The following UVRAG variants were observed in gnomAD, a reference collection of about 807,000 sequenced individuals.
UVRAG encodes the protein UV radiation resistance-associated gene protein.
In UVRAG, 19 loss-of-function variants were observed where a neutral mutation model predicts 78.0. That is an observed-to-expected ratio of 0.24 (90% CI 0.17 to 0.36). The LOEUF (loss-of-function observed/expected upper bound fraction) is 0.36. Among genes scored for constraint, UVRAG ranks in the 10% least tolerant of loss-of-function variants. UVRAG has a pLI of 1.00. For missense variants in UVRAG, 740 were observed against 853.8 expected, an observed-to-expected ratio of 0.87 and a Z score of 1.66; for synonymous variants, 323 against 324.6, an observed-to-expected ratio of 1.00 and a Z score of 0.05.
At chr11:75,961,928 C>G (rs981560936) in intron 7 of UVRAG, among the ~76,000 whole-genome samples, 2 of 151,958 alleles carry the variant, frequency 1.3e-5, no homozygotes, top group Non-Finnish European at 2.9e-5. Context: ...TTGGATTGAG[C>G]AAAACAGGCT....
In UVRAG at chr11:75,828,731, G is replaced by GTATA. The variant is rs199596890; in HGVS notation, c.117+13220_117+13223dup. ...TATATGTGTATATATATGTGTGTGTGTATATATATATATATACACACACAT... is the reference window on the plus strand; with the variant it reads ...TATATGTGTATATATATGTGTGTGTGTATATATATATATATATATACACACACAT... On this transcript the variant is annotated intron_variant, in intron 1 of 14. Coordinates refer to ENST00000356136, the MANE Select transcript of UVRAG (RefSeq NM_003369.4). Among the ~76,000 whole-genome samples the GTATA allele has an allele frequency of 5.5e-4, 61 of 110,808 alleles. 1 individual carries two copies. Among genetic ancestry groups the GTATA allele is most frequent in the Non-Finnish European group, 3.0e-4 (17 of 56,634 alleles). 72.7% of individuals were successfully genotyped at this position (110,808 alleles called of 152,430 possible).
In UVRAG at chr11:76,084,969, C is replaced by T. The variant is rs570823753; in HGVS notation, c.1305+19181C>T. Among the ~76,000 whole-genome samples, 230 of 145,392 alleles carry T rather than the reference C, an allele frequency of 1.6e-3. 5 individuals are homozygous for T. Among genetic ancestry groups the T allele is most frequent in the African/African-American group, 5.2e-3 (205 of 39,430 alleles). ...ATCCCAGCTACTCAAGAGGCTGAGGCGTGAGAATTGCTTGAACCTGGGAGG... is the reference window on the plus strand; with the variant it reads ...ATCCCAGCTACTCAAGAGGCTGAGGTGTGAGAATTGCTTGAACCTGGGAGG... On this transcript the variant is annotated intron_variant, in intron 13 of 14. Coordinates refer to ENST00000356136, the MANE Select transcript of UVRAG (RefSeq NM_003369.4).
At chr11:75,990,907 T>A (rs1380139970) in intron 8 of UVRAG, among the ~76,000 whole-genome samples, 1 of 152,196 alleles carries the variant, frequency 6.6e-6, no homozygotes, top group Admixed American at 6.5e-5. Flanking sequence ...AGAATAAATA[T>A]TTGTTGAATG....
Position 75,878,914 on chromosome 11 carries a change from G to GGAGGGA in UVRAG, c.271-944_271-939dup, listed in dbSNP as rs71871732. ...GGGACAGGGACAGGGAGGGGGAGGG[G>GGAGGGA]GAGGGAGAGGGAGAGGGAGAGGGAG... is the stretch of plus-strand genomic sequence containing the variant. On this transcript the variant is annotated intron_variant, in intron 3 of 14. Transcript: ENST00000356136. Among the ~76,000 whole-genome samples, 190 of 141,924 alleles carry GGAGGGA rather than the reference G, an allele frequency of 1.3e-3. 2 individuals are homozygous for GGAGGGA. Among genetic ancestry groups the GGAGGGA allele is most frequent in the African/African-American group, 4.6e-3 (169 of 36,648 alleles). 93.1% of individuals were successfully genotyped at this position (141,924 alleles called of 152,430 possible).
intron 11 of UVRAG, among the ~76,000 whole-genome samples, chr11:76,011,450 A>C (rs1950048742): frequency 6.6e-6 from 1 of 152,070 alleles, no homozygotes; most frequent in Non-Finnish European, 1.5e-5. Flanking sequence ...ATGGTGAAAC[A>C]CTGTTTCTAC....
intron 6 of UVRAG, among the ~76,000 whole-genome samples, chr11:75,953,104 C>A (rs2135175511): frequency 6.6e-6 from 1 of 152,174 alleles, no homozygotes; most frequent in Non-Finnish European, 1.5e-5. Flanking sequence ...TCTTCTCTTT[C>A]ATTTTTATGC....
intron 5 of UVRAG, among the ~76,000 whole-genome samples, chr11:75,898,951 G>A (rs1454740690): frequency 6.6e-6 from 1 of 151,334 alleles, no homozygotes; most frequent in Non-Finnish European, 1.5e-5. Context: ...TCATTCAGAA[G>A]TAGGGATTAA....
intron 6 of UVRAG, among the ~76,000 whole-genome samples, chr11:75,921,369 G>A (rs954045098): frequency 1.3e-5 from 2 of 152,142 alleles, no homozygotes; most frequent in African/African-American, 2.4e-5. Flanking sequence ...TAGCTATTTA[G>A]GGTATTCTTC....
chr11:76,097,605 T>G (rs1467718911), intron 13 of UVRAG, among the ~76,000 whole-genome samples: 1 of 152,212 alleles, frequency 6.6e-6, no homozygotes, highest in Non-Finnish European at 1.5e-5. Flanking sequence ...TTTCTGATTT[T>G]TAAATGTCTT....
intron 13 of UVRAG, among the ~76,000 whole-genome samples, chr11:76,093,341 G>T (rs1156571639): frequency 3.9e-5 from 6 of 152,110 alleles, no homozygotes; most frequent in Admixed American, 3.9e-4. Context: ...GACAATGCGG[G>T]CTCTTTTTTG....
At chr11:75,865,759 T>C (rs1946523938) in intron 3 of UVRAG, among the ~76,000 whole-genome samples, 1 of 151,910 alleles carries the variant, frequency 6.6e-6, no homozygotes, top group African/African-American at 2.4e-5. Flanking sequence ...GGACTACAGG[T>C]GCCCGCCAGC....
At chr11:76,004,192 C>A in intron 9 of UVRAG, 103 bp downstream of exon 9, 2 of 1,082,364 alleles carry the variant, frequency 1.8e-6, no homozygotes, top group Non-Finnish European at 2.8e-6. Context: ...ATTTATAGCC[C>A]ATATACCTCA....
rs1230957506 is a variant in UVRAG at position 76,143,455 on chromosome 11, C to A, written c.*2042C>A. ...TGCCCCCCACCGCTGTGCAGACTCCCTGGTTGATCCTGGGCTTGTGGCTTT... is the reference window on the plus strand; with the variant it reads ...TGCCCCCCACCGCTGTGCAGACTCCATGGTTGATCCTGGGCTTGTGGCTTT... On this transcript the variant is annotated 3_prime_UTR_variant, in exon 15 of 15. Transcript: ENST00000356136. Among the ~76,000 whole-genome samples the A allele has an allele frequency of 3.3e-5, 5 of 152,230 alleles. No individual in the cohort carries two copies. Among genetic ancestry groups the A allele is most frequent in the Admixed American group, 3.3e-4 (5 of 15,284 alleles).
At chr11:76,068,343 TGCTGACCTA>T (rs1951235409) in intron 13 of UVRAG, among the ~76,000 whole-genome samples, 1 of 152,222 alleles carries the variant, frequency 6.6e-6, no homozygotes, top group Admixed American at 6.5e-5. Flanking sequence ...GCCACAAGTA[TGCTGACCTA>T]GTTTTACTCA....
chr11:76,138,960 A>C (rs1952649511), intron 14 of UVRAG, among the ~76,000 whole-genome samples: 1 of 152,218 alleles, frequency 6.6e-6, no homozygotes, highest in African/African-American at 2.4e-5. Flanking sequence ...GAATTTGGGC[A>C]ACATATTAAC....
rs142876480 is a variant in UVRAG, at chr11:75,867,694, A to G, written c.270+5914A>G. Among the ~76,000 whole-genome samples, 21 of 152,360 alleles carry G rather than the reference A, an allele frequency of 1.4e-4. No individual in the cohort carries two copies. In the East Asian group the frequency reaches 3.3e-3, roughly 24 times the overall value. On this transcript the variant is annotated intron_variant, in intron 3 of 14. Transcript: ENST00000356136. ...GCATATGGTCAGCTAAAGCTGCCAAATAGTTTTCCAAAATTATTGTTTGAT... is the reference window on the plus strand; with the variant it reads ...GCATATGGTCAGCTAAAGCTGCCAAGTAGTTTTCCAAAATTATTGTTTGAT...
Position 75,880,056 on chromosome 11 carries a change from T to C in UVRAG, c.432+16T>C. On this transcript the variant is annotated intron_variant, in intron 4 of 14. Coordinates refer to ENST00000356136, the MANE Select transcript of UVRAG (RefSeq NM_003369.4). Reference sequence around the variant, plus strand: ...GGGTCAGCAGGTAATTTTTAGACTGTAGTTTCAAGTAGTTGTCATCTCCAA... The same window carrying C: ...GGGTCAGCAGGTAATTTTTAGACTGCAGTTTCAAGTAGTTGTCATCTCCAA... The C allele has an allele frequency of 4.3e-6, 7 of 1,612,276 alleles. No individual in the cohort carries two copies. The highest frequency in any genetic ancestry group is 5.9e-6 in the Non-Finnish European group (7 of 1,178,718).
chr11:75,862,397 C>G (rs1457434393), intron 3 of UVRAG, among the ~76,000 whole-genome samples: 1 of 152,138 alleles, frequency 6.6e-6, no homozygotes, highest in Non-Finnish European at 1.5e-5. Flanking sequence ...ATAAATGGCT[C>G]AATTTATTAG....
At chr11:76,092,148 C>T (rs906771983) in intron 13 of UVRAG, among the ~76,000 whole-genome samples, 2 of 152,134 alleles carry the variant, frequency 1.3e-5, no homozygotes, top group Non-Finnish European at 2.9e-5. Context: ...TCATCCATGT[C>T]CCTACAAAGG....
Sources: allele counts gnomAD v4.1 joint callset (sites outside exome capture counted in the v4.1 genomes callset), GRCh38; gene constraint gnomAD v4.1.1; transcripts MANE v1.5; gene names NCBI Gene and HGNC (gene_info 2026-07-23, HGNC 2026-07-21).